Variants in ARHGAP18 observed in about 807,000 individuals in gnomAD.
ARHGAP18 encodes the protein Rho GTPase activating protein 18, also known as rho GTPase-activating protein 18.
Under a neutral mutation model 86.2 loss-of-function variants are expected in ARHGAP18, and 67 were observed. The ratio of observed to expected loss-of-function variants is 0.78; its 90% CI spans 0.64 to 0.95. ARHGAP18 has a LOEUF of 0.95. Among genes scored for constraint, ARHGAP18 ranks in the 40% least tolerant of loss-of-function variants. ARHGAP18 has a pLI of 0.00. For missense variants in ARHGAP18, 691 were observed against 780.4 expected (o/e 0.89, Z 1.37); for synonymous variants, 283 against 280.4 (o/e 1.01, Z -0.09).
At chr6:129,695,539 G>A (rs959151104) in intron 1 of ARHGAP18, among the ~76,000 whole-genome samples, 9 of 152,160 alleles carry the variant, frequency 5.9e-5, no homozygotes, top group Non-Finnish European at 1.0e-4. Context: ...CAGGCTTCAA[G>A]CTAAGTTTAA....
chr6:129,705,076 G>A (rs569672056), intron 1 of ARHGAP18, among the ~76,000 whole-genome samples: 28 of 152,224 alleles, frequency 1.8e-4, no homozygotes, highest in Middle Eastern at 6.8e-3. Flanking sequence ...CACCTGCTCA[G>A]GTCTTTATTT....
chr6:129,623,338 T>C (rs567958568), intron 5 of ARHGAP18, among the ~76,000 whole-genome samples: 1 of 152,308 alleles, frequency 6.6e-6, no homozygotes, highest in Admixed American at 6.5e-5. Flanking sequence ...CTCCTAGAGG[T>C]CATCTAATAA....
At chr6:129,661,583 C>CA (rs1192088715) in intron 1 of ARHGAP18, among the ~76,000 whole-genome samples, 1 of 151,142 alleles carries the variant, frequency 6.6e-6, no homozygotes, top group Non-Finnish European at 1.5e-5. Context: ...CTAGTTTTAC[C>CA]AAGCAGCTAA....
chr6:129,638,696 T>C, intron 2 of ARHGAP18, 67 bp from the exon 3 acceptor site: 1 of 1,413,016 alleles, frequency 7.1e-7, no homozygotes, highest in Non-Finnish European at 9.6e-7. Context: ...TTTTAAGCTG[T>C]TAAAAATTCT....
chr6:129,624,989 TTA>T (rs1200602182), intron 5 of ARHGAP18, among the ~76,000 whole-genome samples: 1 of 109,798 alleles, frequency 9.1e-6, no homozygotes, highest in Non-Finnish European at 1.8e-5. Context: ...ATAATATATA[TTA>T]TATATGATAT....
Position 129,634,052 on chromosome 6 carries a change from T to C in ARHGAP18, c.606A>G (p.Gln202=), listed in dbSNP as rs1773277754. The stretch of plus-strand genomic sequence containing the variant: ...ACAGGTTCAACATACCATCTCTTCC[T>C]TGGTATTTGTTTTCATTTGTTCTAA... ...QSLRTNENKY[Q]GRDDEASNLV... is the part of the protein sequence containing the mutation. The change falls in exon 4 of 15, where the codon CAA becomes CAG. Residue 202 remains glutamine, a synonymous_variant. Transcript: ENST00000368149. 2.5e-6 allele frequency: 4 copies of C among 1,612,160 alleles called. No individual in the cohort carries two copies. The African/African-American group carries it at 4.0e-5, about 16-fold the overall frequency.
intron 5 of ARHGAP18, among the ~76,000 whole-genome samples, chr6:129,621,489 AAG>A (rs1460166974): frequency 6.6e-6 from 1 of 152,186 alleles, no homozygotes; most frequent in Non-Finnish European, 1.5e-5. Context: ...CACAGGGCTC[AAG>A]AGAGTGGAGT....
At chr6:129,684,104 GGA>G (rs951947041) in intron 1 of ARHGAP18, among the ~76,000 whole-genome samples, 1 of 152,220 alleles carries the variant, frequency 6.6e-6, no homozygotes, top group African/African-American at 2.4e-5. Flanking sequence ...GCAGGCCTGG[GGA>G]GAGAGATGTC....
chr6:129,680,800 A>T (rs1774310865), intron 1 of ARHGAP18, among the ~76,000 whole-genome samples: 1 of 152,262 alleles, frequency 6.6e-6, no homozygotes, highest in Admixed American at 6.5e-5. Context: ...TAGAGAGCCT[A>T]AAAGCCTAAA....
At chr6:129,618,085 G>T (rs1789133048) in intron 6 of ARHGAP18, among the ~76,000 whole-genome samples, 1 of 150,440 alleles carries the variant, frequency 6.6e-6, no homozygotes, top group African/African-American at 2.5e-5. Flanking sequence ...TTTATTTAAT[G>T]GGTAAAGCAA....
intron 1 of ARHGAP18, among the ~76,000 whole-genome samples, chr6:129,706,636 C>A (rs968944380): frequency 2.6e-5 from 4 of 152,052 alleles, no homozygotes; most frequent in African/African-American, 9.7e-5. Flanking sequence ...CCTGTAATCT[C>A]GGCACTTTGG....
chr6:129,690,594 C>A (rs1174258418), intron 1 of ARHGAP18, among the ~76,000 whole-genome samples: 1 of 151,974 alleles, frequency 6.6e-6, no homozygotes, highest in African/African-American at 2.4e-5. Context: ...ATATGTAATG[C>A]AAATAAAATA....
chr6:129,587,739 A>G (rs1183842027), intron 12 of ARHGAP18, among the ~76,000 whole-genome samples: 4 of 152,194 alleles, frequency 2.6e-5, no homozygotes, highest in Non-Finnish European at 5.9e-5. Context: ...GGTGCCTCCC[A>G]CAACACATGG....
At chr6:129,676,638 G>A (rs1448797960) in intron 1 of ARHGAP18, among the ~76,000 whole-genome samples, 1 of 152,050 alleles carries the variant, frequency 6.6e-6, no homozygotes, top group Admixed American at 6.5e-5. Flanking sequence ...TCTTTAAAGC[G>A]CCTGCAAAGT....
At chr6:129,607,190 G>A (rs748128840) in intron 9 of ARHGAP18, among the ~76,000 whole-genome samples, 1 of 152,072 alleles carries the variant, frequency 6.6e-6, no homozygotes, top group Non-Finnish European at 1.5e-5. Flanking sequence ...CTGTTTAAAA[G>A]ATAAAGATAC....
chr6:129,709,982 G>C, intron 1 of ARHGAP18, 42 bp downstream of exon 1: 1 of 1,503,390 alleles, frequency 6.7e-7, no homozygotes, highest in Non-Finnish European at 9.3e-7. Flanking sequence ...TCCTGGAGCA[G>C]GTAAGAGGGT....
intron 5 of ARHGAP18, among the ~76,000 whole-genome samples, chr6:129,625,610 T>G (rs1433349414): frequency 3.0e-5 from 2 of 66,544 alleles, no homozygotes; most frequent in Non-Finnish European, 5.3e-5. Context: ...TTATATATTA[T>G]TATATATTTA....
intron 1 of ARHGAP18, among the ~76,000 whole-genome samples, chr6:129,693,415 A>G (rs920791330): frequency 3.3e-5 from 5 of 152,164 alleles, no homozygotes; most frequent in African/African-American, 7.2e-5. Context: ...TAATGCATCT[A>G]TGGAGTTTCC....
intron 12 of ARHGAP18, among the ~76,000 whole-genome samples, chr6:129,585,726 T>A (rs1367092593): frequency 6.6e-6 from 1 of 152,228 alleles, no homozygotes; most frequent in Non-Finnish European, 1.5e-5. Flanking sequence ...CTTACACTCA[T>A]GACTTTGCTG....
Sources: allele counts gnomAD v4.1 joint callset (sites outside exome capture counted in the v4.1 genomes callset), GRCh38; gene constraint gnomAD v4.1.1; transcripts MANE v1.5; gene names NCBI Gene and HGNC (gene_info 2026-07-23, HGNC 2026-07-21).